UNC5D: variants seen among roughly 807,000 people sequenced by gnomAD.
The protein encoded by UNC5D is unc-5 netrin receptor D.
UNC5D carries 39 observed loss-of-function variants against 105.4 expected under a neutral mutation model. The ratio of observed to expected loss-of-function variants is 0.37; its 90% confidence interval spans 0.29 to 0.48. The LOEUF is 0.48. Among genes scored for constraint, UNC5D ranks in the 20% least tolerant of loss-of-function variants. The probability of loss-of-function intolerance (pLI) is 0.98; values close to 1 mark genes in which losing one functional copy is unlikely to be tolerated. For missense variants in UNC5D, 991 were observed against 1,202.4 expected, an observed-to-expected ratio of 0.82 and a Z score of 2.60; for synonymous variants, 452 against 450.4, an observed-to-expected ratio of 1.00 and a Z score of -0.04.
At chr8:35,692,499 T>C (rs1826476192) in intron 7 of UNC5D, among the ~76,000 whole-genome samples, 1 of 152,216 alleles carries the variant, frequency 6.6e-6, no homozygotes, top group Non-Finnish European at 1.5e-5. Flanking sequence ...TCTGTACTAG[T>C]GGTTTTATGG....
At chr8:35,608,375 T>G (rs1820450445) in intron 4 of UNC5D, among the ~76,000 whole-genome samples, 2 of 152,174 alleles carry the variant, frequency 1.3e-5, no homozygotes, top group South Asian at 2.1e-4. Flanking sequence ...TTCAGCTACA[T>G]TAAGGGTTAA....
At chr8:35,512,539 GTATA>G (rs71215633) in intron 1 of UNC5D, among the ~76,000 whole-genome samples, 2,106 of 40,266 alleles carry the variant, frequency 0.052, 158 homozygotes, top group South Asian at 0.079. Context: ...AGATATGTAT[GTATA>G]TATATATATA....
chr8:35,512,535 G>GTGTATATATA (rs1163798673), intron 1 of UNC5D, among the ~76,000 whole-genome samples: 4 of 33,442 alleles, frequency 1.2e-4, no homozygotes, highest in African/African-American at 2.2e-4. Flanking sequence ...ATTCAGATAT[G>GTGTATATATA]TATGTATATA....
chr8:35,769,246 A>G (rs1366426785), intron 15 of UNC5D, among the ~76,000 whole-genome samples: 1 of 152,164 alleles, frequency 6.6e-6, no homozygotes, highest in African/African-American at 2.4e-5. Context: ...CTCATAAGGG[A>G]GTAGAGCCAC....
intron 8 of UNC5D, among the ~76,000 whole-genome samples, chr8:35,715,960 A>G (rs1446439743): frequency 6.6e-6 from 1 of 152,176 alleles, no homozygotes; most frequent in Non-Finnish European, 1.5e-5. Context: ...TTGTGAGGAA[A>G]GCACAATTTG....
intron 1 of UNC5D, among the ~76,000 whole-genome samples, chr8:35,359,550 C>A (rs961721965): frequency 6.6e-6 from 1 of 152,104 alleles, no homozygotes; most frequent in African/African-American, 2.4e-5. Flanking sequence ...AACTGAATAG[C>A]CTGATTACTA....
At chr8:35,293,352 T>C (rs746508051) in intron 1 of UNC5D, among the ~76,000 whole-genome samples, 2 of 152,214 alleles carry the variant, frequency 1.3e-5, no homozygotes, top group African/African-American at 2.4e-5. Flanking sequence ...GCTTTTACCA[T>C]GGAAGGGTTT....
rs58175711 is a variant in UNC5D, at chr8:35,498,084, CAAAAAAAAAAAAAAAAA to C, written c.104-51197_104-51181del. Reference sequence around the variant, plus strand: ...AACTCCATCTCAAAACAAAACAAAACAAAAAAAAAAAAAAAAAAAAAAAAAAAGCGGGGGAGAGTCAG... The same window carrying C: ...AACTCCATCTCAAAACAAAACAAAACAAAAAAAAAAGCGGGGGAGAGTCAG... On this transcript the variant is annotated intron_variant, in intron 1 of 16. Transcript: ENST00000404895. Among the ~76,000 whole-genome samples, 122 of 58,186 alleles carry C rather than the reference CAAAAAAAAAAAAAAAAA, an allele frequency of 2.1e-3. 1 individual carries two copies. Among genetic ancestry groups the C allele is most frequent in the African/African-American group, 5.1e-3 (112 of 22,158 alleles). 38.2% of individuals were successfully genotyped at this position (58,186 alleles called of 152,430 possible). A position where few individuals can be genotyped will look rare whatever the true frequency, so the allele number is the denominator to read the frequency against.
intron 7 of UNC5D, among the ~76,000 whole-genome samples, chr8:35,693,172 C>T (rs1476792612): frequency 6.6e-6 from 1 of 152,048 alleles, no homozygotes; most frequent in Non-Finnish European, 1.5e-5. Context: ...GCAATATTCA[C>T]GTGTCTTCGT....
intron 1 of UNC5D, among the ~76,000 whole-genome samples, chr8:35,280,196 T>C (rs917727772): frequency 6.6e-6 from 1 of 152,056 alleles, no homozygotes; most frequent in African/African-American, 2.4e-5. Context: ...GGGTTTTACC[T>C]TGTTGGTCTG....
chr8:35,505,730 G>A (rs1329596167), intron 1 of UNC5D, among the ~76,000 whole-genome samples: 3 of 152,180 alleles, frequency 2.0e-5, no homozygotes, highest in Non-Finnish European at 4.4e-5. Flanking sequence ...AGGGGCTGTC[G>A]AGATGGTTTT....
chr8:35,600,638 A>G (rs975884305), intron 4 of UNC5D, among the ~76,000 whole-genome samples: 2 of 151,770 alleles, frequency 1.3e-5, no homozygotes, highest in African/African-American at 4.8e-5. Flanking sequence ...CCACTTTTTG[A>G]TGGGGTTGTT....
intron 1 of UNC5D, among the ~76,000 whole-genome samples, chr8:35,478,147 TAGATA>T (rs934472397): frequency 4.1e-4 from 63 of 152,152 alleles, no homozygotes; most frequent in African/African-American, 1.5e-3. Flanking sequence ...ATTCCAAAAT[TAGATA>T]AAACTTCAGA....
intron 1 of UNC5D, among the ~76,000 whole-genome samples, chr8:35,446,781 T>G (rs1285788922): frequency 6.6e-6 from 1 of 152,100 alleles, no homozygotes. Flanking sequence ...TACCCACACT[T>G]TATTGCCTAA....
intron 11 of UNC5D, among the ~76,000 whole-genome samples, chr8:35,737,057 C>T (rs1829503835): frequency 6.6e-6 from 1 of 152,026 alleles, no homozygotes; most frequent in South Asian, 2.1e-4. Context: ...GTTTTATTTT[C>T]CTTGGCACAA....
Position 35,551,616 on chromosome 8 carries a change from G to C in UNC5D, c.322+2106G>C, listed in dbSNP as rs146018686. On this transcript the variant is annotated intron_variant, in intron 2 of 16. Coordinates refer to ENST00000404895, the MANE Select transcript of UNC5D (RefSeq NM_080872.4). ...GGGTGGATCACAAGGTCAGGGGTTT[G>C]AGCCCAGCCTGGCCAATATGGTGAA... is the stretch of plus-strand genomic sequence containing the variant. Among the ~76,000 whole-genome samples the C allele has an allele frequency of 2.9e-4, 44 of 152,156 alleles. No homozygotes were observed. The East Asian group carries it at 8.3e-3, about 29-fold the overall frequency.
chr8:35,588,632 T>A (rs1818951509), intron 3 of UNC5D, among the ~76,000 whole-genome samples: 1 of 152,202 alleles, frequency 6.6e-6, no homozygotes, highest in Non-Finnish European at 1.5e-5. Context: ...CAGGGCAGTC[T>A]GTGTCATGTT....
At chr8:35,408,374 C>A (rs1030791045) in intron 1 of UNC5D, among the ~76,000 whole-genome samples, 1 of 151,094 alleles carries the variant, frequency 6.6e-6, no homozygotes, top group African/African-American at 2.4e-5. Flanking sequence ...GGAATAAACA[C>A]CCAAATTTTA....
chr8:35,257,267 C>G (rs1804150104), intron 1 of UNC5D, among the ~76,000 whole-genome samples: 2 of 152,156 alleles, frequency 1.3e-5, no homozygotes, highest in African/African-American at 2.4e-5. Context: ...ACGCGCCCAG[C>G]CTGGCTATCT....
Sources: gnomAD v4.1 joint callset for allele counts (sites outside exome capture counted in the v4.1 genomes callset) on GRCh38, gnomAD v4.1.1 for gene constraint, MANE v1.5 for transcripts, NCBI Gene and HGNC (gene_info 2026-07-23, HGNC 2026-07-21) for gene names.